Variants in RBFOX1 observed in about 807,000 individuals in gnomAD.
The protein encoded by RBFOX1 is RNA binding protein fox-1 homolog 1.
RBFOX1 carries 8 observed loss-of-function variants against 57.7 expected under a neutral mutation model. The ratio of observed to expected loss-of-function variants is 0.14; its 90% CI spans 0.08 to 0.25. The LOEUF (loss-of-function observed/expected upper bound fraction) is 0.25. Among genes scored for constraint, RBFOX1 ranks in the 10% least tolerant of loss-of-function variants. The probability of loss-of-function intolerance (pLI) is 1.00; values close to 1 mark genes in which losing one functional copy is unlikely to be tolerated. For synonymous variants in RBFOX1, 326 were observed against 222.4 expected (o/e 1.47, Z -4.15); for missense variants, 611 against 548.5 (o/e 1.11, Z -1.14).
chr16:6,471,465 A>G, intron 2 of RBFOX1, among the ~76,000 whole-genome samples: 1 of 152,156 alleles, frequency 6.6e-6, no homozygotes. Flanking sequence ...CTCCAGGCCT[A>G]AAAGAGTTCT....
chr16:6,918,314 G>A (rs2073709655), intron 3 of RBFOX1, among the ~76,000 whole-genome samples: 1 of 151,502 alleles, frequency 6.6e-6, no homozygotes, highest in African/African-American at 2.4e-5. Flanking sequence ...CACATTTGGG[G>A]ACTCCACCCC....
chr16:6,904,599 T>TAAAAAAAAA (rs71147623), intron 3 of RBFOX1, among the ~76,000 whole-genome samples: 4 of 64,024 alleles, frequency 6.2e-5, no homozygotes, highest in African/African-American at 6.3e-5. Context: ...AGACTCTCTC[T>TAAAAAAAAA]AAAAAAAAAA....
chr16:5,709,325 A>G (rs1297563188), intron 3 of RBFOX1, among the ~76,000 whole-genome samples: 1 of 152,192 alleles, frequency 6.6e-6, no homozygotes, highest in Non-Finnish European at 1.5e-5. Context: ...TGGGAAGAGT[A>G]AGGAATGGTT....
At chr16:5,513,547 T>G (rs781248868) in intron 2 of RBFOX1, among the ~76,000 whole-genome samples, 35 of 152,204 alleles carry the variant, frequency 2.3e-4, no homozygotes, top group Admixed American at 3.3e-4. Context: ...GCAGCTCACA[T>G]TTGAAGAGTG....
chr16:6,118,525 C>G (rs1175932911), intron 1 of RBFOX1, among the ~76,000 whole-genome samples: 1 of 152,058 alleles, frequency 6.6e-6, no homozygotes, highest in East Asian at 1.9e-4. Flanking sequence ...GTGGCTGCTG[C>G]TGCCGCCGCC....
At chr16:6,885,528 T>A (rs894997162) in intron 3 of RBFOX1, among the ~76,000 whole-genome samples, 1 of 130,712 alleles carries the variant, frequency 7.7e-6, no homozygotes, top group Non-Finnish European at 1.7e-5. Flanking sequence ...CATTTTATTT[T>A]TTTATTTTTT....
intron 2 of RBFOX1, among the ~76,000 whole-genome samples, chr16:6,529,384 C>A (rs986923580): frequency 6.6e-6 from 1 of 151,934 alleles, no homozygotes; most frequent in Non-Finnish European, 1.5e-5. Flanking sequence ...CTTGGTGATA[C>A]CCCATCTCTA....
intron 4 of RBFOX1, among the ~76,000 whole-genome samples, chr16:7,079,487 T>C (rs150093096): frequency 0.01 from 1,528 of 152,288 alleles, 30 homozygotes; most frequent in African/African-American, 0.035. Flanking sequence ...TAGAGGGAGC[T>C]ATTCAGCAAC....
chr16:7,632,210 A>G (rs2061086028), intron 11 of RBFOX1, among the ~76,000 whole-genome samples: 1 of 152,186 alleles, frequency 6.6e-6, no homozygotes, highest in African/African-American at 2.4e-5. Flanking sequence ...CCCCTGGCCC[A>G]GACTATAATC....
intron 5 of RBFOX1, 63 bp downstream of exon 5, chr16:7,518,452 GC>G (rs1309625053): frequency 6.5e-7 from 1 of 1,537,788 alleles, no homozygotes; most frequent in African/African-American, 1.4e-5. Flanking sequence ...CCTGGTAATG[GC>G]AGCGGGGGTG....
At chr16:6,981,487 G>C (rs755693454) in intron 3 of RBFOX1, among the ~76,000 whole-genome samples, 1 of 152,140 alleles carries the variant, frequency 6.6e-6, no homozygotes, top group Non-Finnish European at 1.5e-5. Flanking sequence ...TCTTTATCCA[G>C]TGTATTAGTC....
chr16:7,244,881 GA>G (rs1486455228), intron 4 of RBFOX1, among the ~76,000 whole-genome samples: 1 of 152,166 alleles, frequency 6.6e-6, no homozygotes, highest in Non-Finnish European at 1.5e-5. Flanking sequence ...TCTACTGTAA[GA>G]AAAGCTCCGT....
intron 10 of RBFOX1, 29 bp from the exon 11 acceptor site, chr16:7,630,574 C>A: frequency 6.2e-7 from 1 of 1,613,580 alleles, no homozygotes; most frequent in Non-Finnish European, 8.5e-7. Context: ...ATTCCCAAAC[C>A]AGATACCATC....
intron 14 of RBFOX1, among the ~76,000 whole-genome samples, chr16:7,705,175 G>T (rs555641616): frequency 8.5e-5 from 13 of 152,188 alleles, no homozygotes; most frequent in African/African-American, 3.1e-4. Flanking sequence ...CCAAGACTAA[G>T]CAGAGAATGG....
At chr16:7,022,356 G>T (rs1303361098) in intron 3 of RBFOX1, among the ~76,000 whole-genome samples, 2 of 151,712 alleles carry the variant, frequency 1.3e-5, no homozygotes, top group Admixed American at 1.3e-4. Context: ...GCACCTGGCC[G>T]TGAACCCCAT....
intron 4 of RBFOX1, among the ~76,000 whole-genome samples, chr16:7,361,961 G>C (rs999182037): frequency 6.6e-6 from 1 of 151,830 alleles, no homozygotes; most frequent in Non-Finnish European, 1.5e-5. Context: ...TTGTGTGTAT[G>C]TTTGTGTGTA....
intron 5 of RBFOX1, among the ~76,000 whole-genome samples, chr16:7,572,587 C>G (rs113987846): frequency 6.6e-6 from 1 of 152,180 alleles, no homozygotes; most frequent in Non-Finnish European, 1.5e-5. Flanking sequence ...CGCCTGTAAT[C>G]CCAGCACTTT....
chr16:6,091,913 T>C (rs780830504), intron 1 of RBFOX1, among the ~76,000 whole-genome samples: 8 of 152,236 alleles, frequency 5.3e-5, no homozygotes, highest in Non-Finnish European at 8.8e-5. Flanking sequence ...CTTCTGCTAC[T>C]GGTCCTTATT....
chr16:6,995,884 C>A (rs146372930), intron 3 of RBFOX1, among the ~76,000 whole-genome samples: 1 of 152,174 alleles, frequency 6.6e-6, no homozygotes, highest in African/African-American at 2.4e-5. Context: ...TCTGCATCCT[C>A]CTATGTTTGA....
Sources: gnomAD v4.1 joint callset for allele counts (sites outside exome capture counted in the v4.1 genomes callset) on GRCh38, gnomAD v4.1.1 for gene constraint, MANE v1.5 for transcripts, NCBI Gene and HGNC (gene_info 2026-07-23, HGNC 2026-07-21) for gene names.